Variants in PKNOX2 observed in about 807,000 individuals in gnomAD.
The protein encoded by PKNOX2 is PBX/knotted 1 homeobox 2.
A neutral mutation model predicts 53.1 loss-of-function variants in PKNOX2; 14 were observed. The ratio of observed to expected loss-of-function variants is 0.26; its 90% CI spans 0.17 to 0.41. The LOEUF (loss-of-function observed/expected upper bound fraction) is 0.41, where lower values mean the gene tolerates loss of function less well. Among genes scored for constraint, PKNOX2 ranks in the 10% least tolerant of loss-of-function variants. The pLI, the probability that PKNOX2 is intolerant of heterozygous loss-of-function variation, is 1.00. For missense variants in PKNOX2, 496 were observed against 602.8 expected (o/e 0.82, Z 1.85); for synonymous variants, 257 against 242.8 (o/e 1.06, Z -0.54).
chr11:125,273,480 T>TG (rs1945952605), intron 2 of PKNOX2, among the ~76,000 whole-genome samples: 1 of 152,238 alleles, frequency 6.6e-6, no homozygotes, highest in South Asian at 2.1e-4. Flanking sequence ...CACCTCCCTA[T>TG]GGGGTGAGGA....
chr11:125,360,703 G>A (rs1249139783), intron 4 of PKNOX2, among the ~76,000 whole-genome samples: 1 of 152,232 alleles, frequency 6.6e-6, no homozygotes, highest in Admixed American at 6.5e-5. Context: ...CCACATGAGA[G>A]AAACAACAGC....
At chr11:125,281,371 C>G (rs1399083004) in intron 2 of PKNOX2, among the ~76,000 whole-genome samples, 1 of 152,228 alleles carries the variant, frequency 6.6e-6, no homozygotes, top group African/African-American at 2.4e-5. Flanking sequence ...GTCCTCAGAT[C>G]CCCAGACTCC....
At position 125,240,352 on chromosome 11, in the gene PKNOX2, C is replaced by A. The variant is rs568869106; in HGVS notation, c.-130+5237C>A. 1.3e-5 allele frequency: 2 copies of A among 152,162 alleles called. No individual in the cohort carries two copies. Among genetic ancestry groups the A allele is most frequent in the Non-Finnish European group, 2.9e-5 (2 of 68,036 alleles). 9.4% of individuals were successfully genotyped at this position (152,162 alleles called of 1,614,324 possible). Reference sequence around the variant, plus strand: ...CTTACGGATAATTTCGTTTGCCTAACGAGATTTTGCTAATTAAATCTCCTT... The same window carrying A: ...CTTACGGATAATTTCGTTTGCCTAAAGAGATTTTGCTAATTAAATCTCCTT... On this transcript the variant is annotated intron_variant, in intron 2 of 12. Coordinates refer to ENST00000298282, the MANE Select transcript of PKNOX2 (RefSeq NM_001382323.2). This position sits in a 1 kb window ranked among gnomAD's most constrained non-coding sequence, Gnocchi z 4.3.
intron 1 of PKNOX2, among the ~76,000 whole-genome samples, chr11:125,199,987 C>T (rs1938247385): frequency 6.6e-6 from 1 of 152,246 alleles, no homozygotes; most frequent in Non-Finnish European, 1.5e-5. Context: ...CAGTCCATCA[C>T]CCATGGCTCA....
At chr11:125,417,578 A>G (rs1955952684) in intron 10 of PKNOX2, among the ~76,000 whole-genome samples, 1 of 152,072 alleles carries the variant, frequency 6.6e-6, no homozygotes, top group Non-Finnish European at 1.5e-5. Context: ...CAGGTGGCAC[A>G]GGATTTGAAC....
At chr11:125,276,225 C>T (rs1946146108) in intron 2 of PKNOX2, among the ~76,000 whole-genome samples, 1 of 151,984 alleles carries the variant, frequency 6.6e-6, no homozygotes, top group African/African-American at 2.4e-5. Flanking sequence ...GTAATAAAGC[C>T]TGATTGGGGC....
At chr11:125,429,173 C>G in intron 11 of PKNOX2, 85 bp downstream of exon 11, 1 of 1,304,602 alleles carries the variant, frequency 7.7e-7, no homozygotes, top group Non-Finnish European at 1.1e-6. Context: ...AAAAGAGACT[C>G]GAATGCCAGG....
intron 1 of PKNOX2, among the ~76,000 whole-genome samples, chr11:125,219,144 T>C (rs1240581207): frequency 6.6e-6 from 1 of 152,102 alleles, no homozygotes; most frequent in East Asian, 1.9e-4. Context: ...CATCAAGAAT[T>C]ATAAGTAGCC....
At chr11:125,299,854 A>G (rs1947916454) in intron 2 of PKNOX2, among the ~76,000 whole-genome samples, 1 of 152,122 alleles carries the variant, frequency 6.6e-6, no homozygotes, top group Admixed American at 6.5e-5. Context: ...GGGGCTTCCC[A>G]AAAGCTGTGG....
intron 5 of PKNOX2, among the ~76,000 whole-genome samples, chr11:125,368,364 C>T (rs571277895): frequency 3.3e-5 from 5 of 152,222 alleles, no homozygotes; most frequent in East Asian, 3.9e-4. Context: ...GACCTCTGAC[C>T]GCACCCTCTA....
chr11:125,374,764 G>T (rs1315697904), intron 5 of PKNOX2, among the ~76,000 whole-genome samples: 1 of 152,186 alleles, frequency 6.6e-6, no homozygotes, highest in African/African-American at 2.4e-5. Flanking sequence ...TCCTCACAAG[G>T]TTATGTTAGG....
rs563592688 is a variant in PKNOX2 at position 125,429,541 on chromosome 11, C to T, written c.1014-422C>T. Among the ~76,000 whole-genome samples, 31 of 152,302 alleles carry T rather than the reference C, an allele frequency of 2.0e-4. No individual in the cohort carries two copies. The South Asian group carries it at 6.0e-3, about 30-fold the overall frequency. On this transcript the variant is annotated intron_variant, in intron 11 of 12. Transcript: ENST00000298282. ...CATTCTGACCCCACAGGGATCTCAG[C>T]TTTCCCAGTCTCTGTGCCTGGCTGG...
chr11:125,350,631 A>G (rs1296356780), intron 3 of PKNOX2, among the ~76,000 whole-genome samples: 1 of 152,146 alleles, frequency 6.6e-6, no homozygotes, highest in African/African-American at 2.4e-5. Flanking sequence ...GAGTCTGGGA[A>G]AGTACAGGAG....
intron 1 of PKNOX2, among the ~76,000 whole-genome samples, chr11:125,181,179 C>G (rs1419836964): frequency 1.3e-5 from 2 of 152,198 alleles, no homozygotes; most frequent in East Asian, 3.8e-4. Flanking sequence ...TAACCTGAGG[C>G]ACAGAGAGGT....
chr11:125,392,377 A>G (rs1285524125), intron 6 of PKNOX2, among the ~76,000 whole-genome samples: 1 of 152,268 alleles, frequency 6.6e-6, no homozygotes, highest in East Asian at 1.9e-4. Flanking sequence ...CTGCCCTGCC[A>G]GGCAGCCCTC....
At position 125,240,247 on chromosome 11, in the gene PKNOX2, A is replaced by G. The variant is rs1396640704; in HGVS notation, c.-130+5132A>G. 1 of 152,190 alleles carries G rather than the reference A, an allele frequency of 6.6e-6. No homozygotes were observed. The highest frequency in any genetic ancestry group is 1.9e-4 in the East Asian group (1 of 5,176). The allele number at this position is 152,190 out of a possible 1,614,324, so 9.4% of individuals were successfully genotyped here. A position where few individuals can be genotyped will look rare whatever the true frequency, so the allele number is the denominator to read the frequency against. ...GCCGAGTGGAGCCGGCCCAGAGATG[A>G]ACGCATCTGGGAGCTGCCAAGGCGA... On this transcript the variant is annotated intron_variant, in intron 2 of 12. Coordinates refer to ENST00000298282, the MANE Select transcript of PKNOX2 (RefSeq NM_001382323.2). This position sits in a 1 kb window ranked among gnomAD's most constrained non-coding sequence, Gnocchi z 4.3.
In PKNOX2 at chr11:125,387,816, G is replaced by T. The variant is rs554959724; in HGVS notation, c.399+2094G>T. Among the ~76,000 whole-genome samples, 4 of 152,300 alleles carry T rather than the reference G, an allele frequency of 2.6e-5. No individual in the cohort carries two copies. The South Asian group carries it at 6.2e-4, about 24-fold the overall frequency. ...AGCCATGGTCAATGACTGGTTGATTGACTGGCTGATTATGTAAATGGAGAT... is the reference window on the plus strand; with the variant it reads ...AGCCATGGTCAATGACTGGTTGATTTACTGGCTGATTATGTAAATGGAGAT... On this transcript the variant is annotated intron_variant, in intron 6 of 12. Coordinates refer to ENST00000298282, the MANE Select transcript of PKNOX2 (RefSeq NM_001382323.2).
chr11:125,343,680 A>C (rs1231411292), intron 3 of PKNOX2, among the ~76,000 whole-genome samples: 5 of 152,164 alleles, frequency 3.3e-5, no homozygotes, highest in African/African-American at 1.2e-4. Flanking sequence ...AAAATATATC[A>C]GCAGCTTTTT....
At chr11:125,242,180 G>A (rs1943205668) in intron 2 of PKNOX2, among the ~76,000 whole-genome samples, 1 of 152,192 alleles carries the variant, frequency 6.6e-6, no homozygotes, top group African/African-American at 2.4e-5. Flanking sequence ...TTTCGCACAT[G>A]CTCACATGTG....
Sources: allele counts gnomAD v4.1 joint callset (sites outside exome capture counted in the v4.1 genomes callset), GRCh38; gene constraint gnomAD v4.1.1; non-coding constraint Gnocchi (gnomAD v3.1); transcripts MANE v1.5; gene names NCBI Gene and HGNC (gene_info 2026-07-23, HGNC 2026-07-21).